LONP2: variants seen among roughly 807,000 people sequenced by gnomAD.
LONP2 encodes lon peptidase 2, peroxisomal.
A neutral mutation model predicts 85.6 loss-of-function variants in LONP2; 60 were observed. The observed-to-expected ratio is 0.70, with a 90% CI of 0.57 to 0.87. The LOEUF (loss-of-function observed/expected upper bound fraction) is 0.87. LONP2 is among the 40% of genes least tolerant of loss of function. The pLI is 0.00. For synonymous variants in LONP2, 395 were observed against 389.7 expected, an observed-to-expected ratio of 1.01 and a Z score of -0.16; for missense variants, 860 against 1,063.5, an observed-to-expected ratio of 0.81 and a Z score of 2.66.
At chr16:48,326,441 C>T (rs1959240561) in intron 11 of LONP2, among the ~76,000 whole-genome samples, 1 of 152,118 alleles carries the variant, frequency 6.6e-6, no homozygotes, top group Admixed American at 6.5e-5. Flanking sequence ...TCTTGAACTC[C>T]TGGGACTGGG....
At chr16:48,249,930 G>A (rs562155441) in intron 1 of LONP2, among the ~76,000 whole-genome samples, 12 of 152,154 alleles carry the variant, frequency 7.9e-5, no homozygotes, top group Admixed American at 3.9e-4. Flanking sequence ...GGTGGCTCAC[G>A]CCCGTAATCC....
At chr16:48,342,755 C>G (rs1390432874) in intron 12 of LONP2, among the ~76,000 whole-genome samples, 14 of 152,198 alleles carry the variant, frequency 9.2e-5, no homozygotes, top group Non-Finnish European at 5.9e-5. Flanking sequence ...GATCTCAGTA[C>G]TAAGACTTTA....
At chr16:48,296,298 A>G (rs1280771559) in intron 9 of LONP2, 133 bp downstream of exon 9, 2 of 993,872 alleles carry the variant, frequency 2.0e-6, no homozygotes, top group African/African-American at 1.6e-5. Context: ...TGAGGAATGT[A>G]TATAAATCAG....
chr16:48,331,884 C>T (rs539348841), intron 11 of LONP2, among the ~76,000 whole-genome samples: 9 of 152,310 alleles, frequency 5.9e-5, no homozygotes, highest in Middle Eastern at 3.4e-3. Context: ...TTTTAATTCT[C>T]ACAGCAATTC....
intron 11 of LONP2, among the ~76,000 whole-genome samples, chr16:48,318,272 A>G (rs533747125): frequency 6.6e-6 from 1 of 152,256 alleles, no homozygotes; most frequent in East Asian, 1.9e-4. Context: ...TAATCCCAGC[A>G]CTTTGGGAGG....
intron 8 of LONP2, among the ~76,000 whole-genome samples, chr16:48,282,466 G>GTCTGTTGA (rs1379932512): frequency 1.3e-5 from 2 of 150,704 alleles, no homozygotes; most frequent in Non-Finnish European, 3.0e-5. Context: ...TGTCAAGCAA[G>GTCTGTTGA]TCTGTTGACA....
chr16:48,328,493 C>CA (rs1484624161), intron 11 of LONP2, among the ~76,000 whole-genome samples: 4 of 151,918 alleles, frequency 2.6e-5, no homozygotes, highest in Non-Finnish European at 5.9e-5. Flanking sequence ...GCCTGACCAA[C>CA]ATGGTGAAAC....
At chr16:48,247,907 A>G (rs1173259797) in intron 1 of LONP2, among the ~76,000 whole-genome samples, 1 of 152,194 alleles carries the variant, frequency 6.6e-6, no homozygotes, top group Non-Finnish European at 1.5e-5. Flanking sequence ...TTAGGATTAC[A>G]GGCGTGAGCC....
intron 6 of LONP2, among the ~76,000 whole-genome samples, chr16:48,267,344 G>C (rs1972011328): frequency 1.3e-5 from 2 of 152,144 alleles, no homozygotes. Flanking sequence ...CTGTCACCCA[G>C]TCTGGAGTGC....
intron 12 of LONP2, chr16:48,343,626 A>G (rs1386099946): frequency 6.6e-6 from 1 of 152,032 alleles, no homozygotes; most frequent in East Asian, 1.9e-4. Flanking sequence ...TGAACCCAGG[A>G]GGTGGAGGTT....
chr16:48,299,450 T>A (rs776535031), intron 9 of LONP2, among the ~76,000 whole-genome samples: 14 of 151,648 alleles, frequency 9.2e-5, no homozygotes, highest in Non-Finnish European at 1.5e-4. Context: ...AGCGTGGTTG[T>A]GCATGCCTGT....
At chr16:48,294,167 C>T (rs1364206781) in intron 8 of LONP2, among the ~76,000 whole-genome samples, 4 of 152,068 alleles carry the variant, frequency 2.6e-5, no homozygotes, top group African/African-American at 9.7e-5. Flanking sequence ...TCTCAAACAC[C>T]TGACCTCAAC....
chr16:48,262,748 A>G lies in LONP2; in HGVS notation c.888-30A>G, dbSNP rs534223224. 56 of 1,396,840 alleles carry G rather than the reference A, an allele frequency of 4.0e-5. No individual in the cohort carries two copies. In the South Asian group the frequency reaches 4.3e-4, roughly 11 times the overall value. The allele number at this position is 1,396,840 out of a possible 1,614,324, so 86.5% of individuals were successfully genotyped here. ...TTATGGAATTTTTCTGTGTTCTTGA[A>G]CATGTTTGCTGTGTATTCTTTCTCC... On this transcript the variant is annotated intron_variant, in intron 5 of 14. Transcript: ENST00000285737.
chr16:48,352,251 T>G lies in LONP2; in HGVS notation c.*449T>G, dbSNP rs1240850892. On this transcript the variant is annotated 3_prime_UTR_variant, in exon 15 of 15. Coordinates refer to ENST00000285737, the MANE Select transcript of LONP2 (RefSeq NM_031490.5). The stretch of plus-strand genomic sequence containing the variant: ...GGAACCACCGGTATAGACCATTACC[T>G]TAGTGGATTTACCTGTAGAGTTTAT... 1.8e-5 allele frequency: 3 copies of G among 165,038 alleles called. No homozygotes were observed. The highest frequency in any genetic ancestry group is 2.7e-5 in the Non-Finnish European group (2 of 75,092). The allele number at this position is 165,038 out of a possible 1,614,324, so 10.2% of individuals were successfully genotyped here.
chr16:48,268,512 G>A (rs1233612021), intron 6 of LONP2, among the ~76,000 whole-genome samples: 2 of 152,064 alleles, frequency 1.3e-5, no homozygotes, highest in African/African-American at 2.4e-5. Context: ...AAATCCCACT[G>A]GGACTTAGTA....
In LONP2 at chr16:48,323,346, A is replaced by C. The variant is rs560911090; in HGVS notation, c.1796-10870A>C. 3.9e-5 allele frequency among the ~76,000 whole-genome samples: 6 copies of C among 152,320 alleles called. No individual in the cohort carries two copies. In the East Asian group the frequency reaches 1.2e-3, roughly 29 times the overall value. ...TTTGTTTGTTTGTTTTTTTCATAAT[A>C]GATAATTGCCACTAAAATTGAAGAA... On this transcript the variant is annotated intron_variant, in intron 11 of 14. Coordinates refer to ENST00000285737, the MANE Select transcript of LONP2 (RefSeq NM_031490.5).
rs760773396 is a variant in LONP2, at chr16:48,256,844, C to A, written c.600+103C>A. On this transcript the variant is annotated intron_variant, in intron 3 of 14. Transcript: ENST00000285737. ...ACCTTCAAGAAAAAGATATTGGAGACCCAAAGTAATTGAAATGCTTTTACA... is the reference window on the plus strand; with the variant it reads ...ACCTTCAAGAAAAAGATATTGGAGAACCAAAGTAATTGAAATGCTTTTACA... 262 of 1,066,280 alleles carry A rather than the reference C, an allele frequency of 2.5e-4. 1 individual carries two copies. The highest frequency in any genetic ancestry group is 3.4e-4 in the Non-Finnish European group (249 of 740,926). The allele number at this position is 1,066,280 out of a possible 1,614,324, so 66.1% of individuals were successfully genotyped here.
At chr16:48,293,760 T>C (rs1417194227) in intron 8 of LONP2, among the ~76,000 whole-genome samples, 1 of 152,174 alleles carries the variant, frequency 6.6e-6, no homozygotes, top group African/African-American at 2.4e-5. Flanking sequence ...AGCAGGATTC[T>C]TGCTCAAATT....
downstream of LONP2, among the ~76,000 whole-genome samples, chr16:48,359,465 C>T (rs911494965): frequency 1.3e-5 from 2 of 152,122 alleles, no homozygotes; most frequent in Non-Finnish European, 1.5e-5. Context: ...TGGCTCACGC[C>T]TATAATCCCA....
Sources: allele counts gnomAD v4.1 joint callset (sites outside exome capture counted in the v4.1 genomes callset), GRCh38; gene constraint gnomAD v4.1.1; transcripts MANE v1.5; gene names NCBI Gene and HGNC (gene_info 2026-07-23, HGNC 2026-07-21).